DLG2: variants seen among roughly 807,000 people sequenced by gnomAD.
DLG2 encodes the protein discs large MAGUK scaffold protein 2.
Under a neutral mutation model 132.5 loss-of-function variants are expected in DLG2, and 45 were observed. The observed-to-expected ratio is 0.34, with a 90% CI of 0.27 to 0.44. The LOEUF (loss-of-function observed/expected upper bound fraction) is 0.44. Ranked by LOEUF, DLG2 falls within the 20% of genes least tolerant of loss-of-function variation. DLG2 has a pLI of 1.00. For missense variants in DLG2, 1,045 were observed against 1,196.9 expected, an observed-to-expected ratio of 0.87 and a Z score of 1.87; for synonymous variants, 424 against 419.6, an observed-to-expected ratio of 1.01 and a Z score of -0.13.
chr11:85,191,287 T>C (rs757601037), intron 4 of DLG2, among the ~76,000 whole-genome samples: 5 of 151,544 alleles, frequency 3.3e-5, no homozygotes, highest in Non-Finnish European at 5.9e-5. Context: ...GCTAAGACTT[T>C]TTGGACCCAG....
At chr11:85,214,529 A>C in intron 4 of DLG2, among the ~76,000 whole-genome samples, 1 of 152,134 alleles carries the variant, frequency 6.6e-6, no homozygotes, top group East Asian at 1.9e-4. Context: ...ACTTGCATTT[A>C]CTCATCTGAC....
intron 10 of DLG2, among the ~76,000 whole-genome samples, chr11:84,075,988 G>A (rs1257369081): frequency 6.6e-6 from 1 of 152,130 alleles, no homozygotes; most frequent in Non-Finnish European, 1.5e-5. Flanking sequence ...AGAGCCTGAG[G>A]ATGGTGGCAT....
chr11:84,284,732 G>T (rs2097890790), intron 7 of DLG2, among the ~76,000 whole-genome samples: 1 of 152,126 alleles, frequency 6.6e-6, no homozygotes, highest in Non-Finnish European at 1.5e-5. Context: ...TTCTCTACTG[G>T]ACTTTCTTGA....
intron 6 of DLG2, among the ~76,000 whole-genome samples, chr11:84,719,359 C>G (rs917053915): frequency 1.2e-4 from 19 of 152,192 alleles, no homozygotes; most frequent in African/African-American, 4.3e-4. Context: ...CTCTTTCTCT[C>G]TCTCTCTCCT....
In DLG2 at chr11:85,555,994, G is replaced by GT. The variant is rs138315587; in HGVS notation, c.40+42662dup. Among the ~76,000 whole-genome samples the GT allele has an allele frequency of 2.2e-3, 331 of 151,902 alleles. 2 individuals are homozygous for GT. The highest frequency in any genetic ancestry group is 7.6e-3 in the African/African-American group (317 of 41,522). Reference sequence around the variant, plus strand: ...CATCTGTGGGGACTCTCATGTCCATGTATACATAAATCAATTTGTAAGCCT... The same window carrying GT: ...CATCTGTGGGGACTCTCATGTCCATGTTATACATAAATCAATTTGTAAGCCT... On this transcript the variant is annotated intron_variant, in intron 3 of 27. Coordinates refer to ENST00000376104, the MANE Select transcript of DLG2 (RefSeq NM_001142699.3).
At chr11:83,613,019 A>G (rs968395312) in intron 19 of DLG2, among the ~76,000 whole-genome samples, 1 of 152,208 alleles carries the variant, frequency 6.6e-6, no homozygotes, top group Non-Finnish European at 1.5e-5. Flanking sequence ...TTTCACGTGG[A>G]AACAGAACAT....
chr11:84,473,831 T>A (rs2099114778), intron 7 of DLG2, among the ~76,000 whole-genome samples: 1 of 152,058 alleles, frequency 6.6e-6, no homozygotes, highest in Admixed American at 6.6e-5. Context: ...TTAAATTCAT[T>A]GTTATTCTAA....
chr11:83,471,781 C>T (rs2092059585), intron 23 of DLG2, 54 bp from the exon 24 acceptor site: 3 of 1,411,158 alleles, frequency 2.1e-6, no homozygotes, highest in South Asian at 1.2e-5. Flanking sequence ...GAAACAACTG[C>T]AAAACTGTCC....
At chr11:84,414,805 T>C (rs1567572528) in intron 7 of DLG2, among the ~76,000 whole-genome samples, 1 of 152,200 alleles carries the variant, frequency 6.6e-6, no homozygotes, top group African/African-American at 2.4e-5. Context: ...TATGGAATGA[T>C]GTTTAATTAT....
chr11:83,503,830 A>T (rs2094567861), intron 21 of DLG2, among the ~76,000 whole-genome samples: 1 of 152,120 alleles, frequency 6.6e-6, no homozygotes. Context: ...AATCAAGTTG[A>T]CACTCAGTAT....
chr11:84,778,798 C>T (rs1433398818), intron 6 of DLG2, among the ~76,000 whole-genome samples: 7 of 152,088 alleles, frequency 4.6e-5, no homozygotes, highest in Non-Finnish European at 8.8e-5. Context: ...CTCAAGAAGA[C>T]CCACTCCCAT....
intron 25 of DLG2, among the ~76,000 whole-genome samples, chr11:83,467,790 T>TATGTATATATATATATATATATAC (rs2091359042): frequency 9.9e-6 from 1 of 101,030 alleles, no homozygotes; most frequent in Non-Finnish European, 1.9e-5. Context: ...TATATATATA[T>TATGTATATATATATATATATATAC]ATATATATAT....
At chr11:84,784,799 G>A (rs1336283690) in intron 6 of DLG2, among the ~76,000 whole-genome samples, 1 of 152,058 alleles carries the variant, frequency 6.6e-6, no homozygotes, top group Non-Finnish European at 1.5e-5. Context: ...AGAGACTGGG[G>A]TGATGTGGTG....
At chr11:85,508,067 A>C (rs1172744277) in intron 3 of DLG2, among the ~76,000 whole-genome samples, 1 of 152,128 alleles carries the variant, frequency 6.6e-6, no homozygotes, top group African/African-American at 2.4e-5. Context: ...AGGTCATTTA[A>C]GGTCTTCTCT....
At chr11:83,682,305 A>T (rs2078970030) in intron 18 of DLG2, 4 of 985,338 alleles carry the variant, frequency 4.1e-6, no homozygotes, top group Non-Finnish European at 4.8e-6. Context: ...CACTAGCGGA[A>T]CCTGATGAAT....
chr11:85,506,219 G>C (rs1305867111), intron 3 of DLG2, among the ~76,000 whole-genome samples: 1 of 152,098 alleles, frequency 6.6e-6, no homozygotes, highest in African/African-American at 2.4e-5. Flanking sequence ...GTCTCCTTCA[G>C]TTCTGCTCTG....
chr11:84,427,937 T>C (rs1002439159), intron 7 of DLG2, among the ~76,000 whole-genome samples: 2 of 152,242 alleles, frequency 1.3e-5, no homozygotes, highest in East Asian at 1.9e-4. Context: ...GTGAATGGTA[T>C]GATAGGGAAA....
chr11:84,892,220 T>C (rs1050969107), intron 6 of DLG2, among the ~76,000 whole-genome samples: 7 of 152,100 alleles, frequency 4.6e-5, no homozygotes, highest in African/African-American at 1.2e-4. Context: ...ATAATTTGAA[T>C]AGTGACAAAT....
At chr11:84,105,911 GTTTAT>G (rs2092874522) in intron 9 of DLG2, among the ~76,000 whole-genome samples, 1 of 151,880 alleles carries the variant, frequency 6.6e-6, no homozygotes, top group Non-Finnish European at 1.5e-5. Context: ...AAAGCCATTT[GTTTAT>G]TTTAATTTAA....
Sources: gnomAD v4.1 joint callset for allele counts (sites outside exome capture counted in the v4.1 genomes callset) on GRCh38, gnomAD v4.1.1 for gene constraint, MANE v1.5 for transcripts, NCBI Gene and HGNC (gene_info 2026-07-23, HGNC 2026-07-21) for gene names.